The following LDHB variants were observed in gnomAD, a reference collection of about 807,000 sequenced individuals.
LDHB encodes L-lactate dehydrogenase B chain.
A neutral mutation model predicts 33.4 loss-of-function variants in LDHB; 18 were observed. The ratio of observed to expected loss-of-function variants is 0.54; its 90% CI spans 0.37 to 0.80. The LOEUF (loss-of-function observed/expected upper bound fraction) is 0.80, where lower values mean the gene tolerates loss of function less well. LDHB is among the 30% of genes least tolerant of loss of function. LDHB has a pLI of 0.00. For synonymous variants in LDHB, 121 were observed against 140.6 expected (o/e 0.86, Z 0.98); for missense variants, 345 against 407.9 (o/e 0.85, Z 1.33).
intron 2 of LDHB, among the ~76,000 whole-genome samples, chr12:21,650,809 T>C (rs1938668361): frequency 6.6e-6 from 1 of 152,220 alleles, no homozygotes; most frequent in African/African-American, 2.4e-5. Flanking sequence ...GGTATACAGT[T>C]ACGATAAAGT....
intron 2 of LDHB, among the ~76,000 whole-genome samples, chr12:21,651,777 T>C (rs1210315328): frequency 2.0e-5 from 3 of 152,368 alleles, no homozygotes; most frequent in African/African-American, 4.8e-5. Flanking sequence ...ACCACTTTTA[T>C]CTTTAACCGT....
chr12:21,641,782 TGA>T (rs1197672903), intron 5 of LDHB, among the ~76,000 whole-genome samples, 168 bp downstream of exon 5: 2 of 151,982 alleles, frequency 1.3e-5, no homozygotes, highest in Non-Finnish European at 2.9e-5. Context: ...GATAGAGAGA[TGA>T]GAGAGTAAAT....
intron 1 of LDHB, chr12:21,657,231 A>T (rs1938877387): frequency 6.6e-6 from 1 of 152,280 alleles, no homozygotes; most frequent in South Asian, 2.1e-4. Flanking sequence ...AGACCGTCAG[A>T]GCCGGGTAAA....
intron 5 of LDHB, among the ~76,000 whole-genome samples, chr12:21,641,081 A>G (rs1938358819): frequency 6.6e-6 from 1 of 152,200 alleles, no homozygotes; most frequent in Non-Finnish European, 1.5e-5. Context: ...ACCACAAATC[A>G]TTAATAGATG....
In LDHB at chr12:21,646,981, C is replaced by T; in HGVS notation, c.165G>A (p.Leu55=). 1 of 1,613,036 alleles carries T rather than the reference C, an allele frequency of 6.2e-7. No individual in the cohort carries two copies. The highest frequency in any genetic ancestry group is 1.1e-5 in the South Asian group (1 of 91,050). Residue 55 remains leucine (L), a synonymous_variant, in exon 3 of 8, where the codon TTG becomes TTA. Coordinates refer to ENST00000350669, the MANE Select transcript of LDHB (RefSeq NM_002300.8). ...TCATTTCTCCTTTAAGCTTATCTTCCAAAACATCCACAAGAGCAAGTTCAT... is the reference window on the plus strand; with the variant it reads ...TCATTTCTCCTTTAAGCTTATCTTCTAAAACATCCACAAGAGCAAGTTCAT... ...LADELALVDV[L]EDKLKGEMMD...
chr12:21,643,745 AT>A, intron 4 of LDHB, 189 bp downstream of exon 4: 1 of 573,284 alleles, frequency 1.7e-6, no homozygotes. Context: ...CTCTTGTCAC[AT>A]TTTTTGAACA....
intron 2 of LDHB, among the ~76,000 whole-genome samples, chr12:21,651,327 C>T (rs776217822): frequency 7.2e-5 from 11 of 152,098 alleles, no homozygotes; most frequent in South Asian, 2.1e-4. Flanking sequence ...TTTTAAGTAG[C>T]GGAGCCACTA....
intron 2 of LDHB, among the ~76,000 whole-genome samples, chr12:21,654,193 G>A (rs1055662130): frequency 1.4e-4 from 22 of 152,192 alleles, no homozygotes; most frequent in African/African-American, 4.8e-4. Flanking sequence ...ATGAAGAGAC[G>A]TAAGTATATG....
chr12:21,637,675 A>G (rs1329937818), intron 6 of LDHB, among the ~76,000 whole-genome samples: 2 of 152,044 alleles, frequency 1.3e-5, no homozygotes, highest in African/African-American at 4.8e-5. Flanking sequence ...AAAACCCATA[A>G]AGGCCCTGGC....
At chr12:21,637,421 G>A in intron 6 of LDHB, 1 of 411,962 alleles carries the variant, frequency 2.4e-6, no homozygotes, top group East Asian at 4.1e-5. Flanking sequence ...GATAACTTTA[G>A]TTTATTGTAT....
chr12:21,638,681 T>A lies in LDHB; in HGVS notation c.596-211A>T. 1.3e-5 allele frequency: 7 copies of A among 546,748 alleles called. No homozygotes were observed. The South Asian group carries it at 1.6e-4, about 12-fold the overall frequency. The allele number at this position is 546,748 out of a possible 1,614,324, so 33.9% of individuals were successfully genotyped here. A position where few individuals can be genotyped will look rare whatever the true frequency, so the allele number is the denominator to read the frequency against. On this transcript the variant is annotated intron_variant, in intron 5 of 7. Transcript: ENST00000350669. Reference sequence around the variant, plus strand: ...TAGCAACATGTCTGACCTTTTAACTTTCAAGAATTTTAGTGCAAAGCAGAA... The same window carrying A: ...TAGCAACATGTCTGACCTTTTAACTATCAAGAATTTTAGTGCAAAGCAGAA...
chr12:21,647,005 A>G lies in LDHB; in HGVS notation c.141T>C (p.Asp47=). The change falls in exon 3 of 8, where the codon GAT becomes GAC. Residue 47 remains aspartate (D), a synonymous_variant. Transcript: ENST00000350669. ...AISILGKSLA[D]ELALVDVLED... ...CCAAAACATCCACAAGAGCAAGTTCATCAGCCAGAGACTGTAAACGCAAAA... is the reference window on the plus strand; with the variant it reads ...CCAAAACATCCACAAGAGCAAGTTCGTCAGCCAGAGACTGTAAACGCAAAA... The G allele has an allele frequency of 6.2e-7, 1 of 1,611,896 alleles. No homozygotes were observed. The highest frequency in any genetic ancestry group is 8.5e-7 in the Non-Finnish European group (1 of 1,178,124).
intron 4 of LDHB, 132 bp downstream of exon 4, chr12:21,643,803 G>A (rs1342194012): frequency 5.5e-6 from 4 of 727,088 alleles, no homozygotes; most frequent in African/African-American, 5.3e-5. Flanking sequence ...CACTATTTAG[G>A]GCCAATGAAA....
intron 2 of LDHB, among the ~76,000 whole-genome samples, chr12:21,654,034 C>T (rs948314149): frequency 6.6e-6 from 1 of 152,126 alleles, no homozygotes; most frequent in African/African-American, 2.4e-5. Flanking sequence ...TAGTTCCAAT[C>T]CCACCCAAAA....
At chr12:21,648,703 A>G (rs1455511338) in intron 2 of LDHB, among the ~76,000 whole-genome samples, 1 of 152,150 alleles carries the variant, frequency 6.6e-6, no homozygotes, top group Non-Finnish European at 1.5e-5. Context: ...TTGTTAGATA[A>G]AGCAAGTCTC....
At chr12:21,649,615 T>C (rs1938623075) in intron 2 of LDHB, among the ~76,000 whole-genome samples, 2 of 151,688 alleles carry the variant, frequency 1.3e-5, no homozygotes, top group Non-Finnish European at 2.9e-5. Flanking sequence ...TTGCTTAATG[T>C]ATCACTAAAA....
chr12:21,641,402 T>G (rs1825939099), intron 5 of LDHB, among the ~76,000 whole-genome samples: 1 of 152,122 alleles, frequency 6.6e-6, no homozygotes, highest in Admixed American at 6.6e-5. Context: ...TGATGGGCAT[T>G]CCACAAAATA....
chr12:21,642,697 T>A (rs956901652), intron 4 of LDHB, among the ~76,000 whole-genome samples: 1 of 152,158 alleles, frequency 6.6e-6, no homozygotes, highest in Non-Finnish European at 1.5e-5. Context: ...ACCACAGACA[T>A]AAAACTTTTG....
rs141707607 is a variant in LDHB, at chr12:21,643,981, G to A, written c.375C>T (p.Ile125=). ...VNVFKFIIPQ[I]VKYSPDCIII... is the part of the protein sequence containing the mutation. ...TGATGCAATCAGGACTGTACTTGAC[G>A]ATCTGAGGAATAATGAATTTGAAGA... The change falls in exon 4 of 8, where the codon ATC becomes ATT. Residue 125 remains isoleucine, a synonymous_variant. Coordinates refer to ENST00000350669, the MANE Select transcript of LDHB (RefSeq NM_002300.8). 3.1e-5 allele frequency: 50 copies of A among 1,612,662 alleles called. No individual in the cohort carries two copies. The highest frequency in any genetic ancestry group is 6.7e-5 in the African/African-American group (5 of 74,860).
Sources: allele counts gnomAD v4.1 joint callset (sites outside exome capture counted in the v4.1 genomes callset), GRCh38; gene constraint gnomAD v4.1.1; transcripts MANE v1.5; gene names NCBI Gene and HGNC (gene_info 2026-07-23, HGNC 2026-07-21).